Variants in CUL2 observed in about 807,000 individuals in gnomAD.
CUL2 encodes the protein cullin 2.
In CUL2, 22 loss-of-function variants were observed where a neutral mutation model predicts 110.2. The ratio of observed to expected loss-of-function variants is 0.20; its 90% CI spans 0.14 to 0.28. The LOEUF (loss-of-function observed/expected upper bound fraction) is 0.28. CUL2 is among the 10% of genes least tolerant of loss of function. The pLI is 1.00. For missense variants in CUL2, 631 were observed against 905.5 expected, an observed-to-expected ratio of 0.70 and a Z score of 3.89; for synonymous variants, 279 against 293.2, an observed-to-expected ratio of 0.95 and a Z score of 0.49.
intron 8 of CUL2, among the ~76,000 whole-genome samples, chr10:35,042,392 T>C (rs1245416984): frequency 6.6e-6 from 1 of 152,198 alleles, no homozygotes; most frequent in Non-Finnish European, 1.5e-5. Context: ...GGTTTTCATC[T>C]GTGGTTCCTG....
intron 4 of CUL2, among the ~76,000 whole-genome samples, chr10:35,059,285 GAAGA>G (rs2086322832): frequency 6.6e-6 from 1 of 152,282 alleles, no homozygotes; most frequent in Non-Finnish European, 1.5e-5. Flanking sequence ...AATCTTTTGT[GAAGA>G]AAGAGTCAAC....
chr10:35,071,485 A>G (rs2086677016), intron 1 of CUL2, 146 bp from the exon 2 acceptor site: 1 of 623,066 alleles, frequency 1.6e-6, no homozygotes, highest in Non-Finnish European at 2.7e-6. Context: ...GCTCACTGCA[A>G]GCTCCGCCTC....
In CUL2 at chr10:35,059,473, A is replaced by G. The variant is rs144258009; in HGVS notation, c.317+1401T>C. Among the ~76,000 whole-genome samples, 106 of 152,284 alleles carry G rather than the reference A, an allele frequency of 7.0e-4. 1 individual carries two copies. Among genetic ancestry groups the G allele is most frequent in the African/African-American group, 2.0e-3 (85 of 41,566 alleles). On this transcript the variant is annotated intron_variant, in intron 4 of 20. Coordinates refer to ENST00000374749, the MANE Select transcript of CUL2 (RefSeq NM_003591.4). Reference sequence around the variant, plus strand: ...GATCAACAGCATTTTTTTTAGCAATAAAGTAATTTTAAATTAAGTTGTGCA... The same window carrying G: ...GATCAACAGCATTTTTTTTAGCAATGAAGTAATTTTAAATTAAGTTGTGCA...
chr10:35,108,378 G>A (rs1483731737), intron 1 of CUL2, among the ~76,000 whole-genome samples: 1 of 151,180 alleles, frequency 6.6e-6, no homozygotes, highest in Non-Finnish European at 1.5e-5. Context: ...GATCACCTGA[G>A]CCCAGGAGGT....
chr10:35,079,020 C>T (rs2086886233), intron 1 of CUL2, among the ~76,000 whole-genome samples: 1 of 152,152 alleles, frequency 6.6e-6, no homozygotes, highest in Admixed American at 6.6e-5. Flanking sequence ...CAATAAAGAG[C>T]CTTACAGCAG....
chr10:35,065,734 C>T (rs544320782), intron 2 of CUL2, among the ~76,000 whole-genome samples: 45 of 152,138 alleles, frequency 3.0e-4, no homozygotes, highest in Non-Finnish European at 5.6e-4. Context: ...TGGCACATGC[C>T]TGTAATGCCA....
intron 17 of CUL2, among the ~76,000 whole-genome samples, chr10:35,019,030 G>C (rs2085119636): frequency 6.6e-6 from 1 of 152,098 alleles, no homozygotes; most frequent in Non-Finnish European, 1.5e-5. Flanking sequence ...TTATCATTTG[G>C]AGTATACTAT....
intron 5 of CUL2, 47 bp from the exon 6 acceptor site, chr10:35,049,812 G>T: frequency 7.9e-7 from 1 of 1,262,024 alleles, no homozygotes; most frequent in Non-Finnish European, 1.1e-6. Flanking sequence ...CTTAGTATAT[G>T]TTTAACATTT....
At chr10:35,084,024 C>T (rs2087002106) in intron 1 of CUL2, among the ~76,000 whole-genome samples, 1 of 152,122 alleles carries the variant, frequency 6.6e-6, no homozygotes, top group African/African-American at 2.4e-5. Flanking sequence ...CACCTGTAAT[C>T]CCAGCACCTT....
chr10:35,064,029 T>C (rs548605042), intron 2 of CUL2: 11 of 152,278 alleles, frequency 7.2e-5, no homozygotes, highest in Admixed American at 7.2e-4. Flanking sequence ...TCCTGGTGGT[T>C]ATACTCCAGA....
At chr10:35,016,511 T>C (rs757219190) in intron 17 of CUL2, 117 bp from the exon 18 acceptor site, 7 of 782,088 alleles carry the variant, frequency 9.0e-6, no homozygotes, top group Non-Finnish European at 1.4e-5. Context: ...TAAATTGTTG[T>C]AAAGCCACTG....
At chr10:35,094,830 A>T (rs1564751301), upstream of CUL2, among the ~76,000 whole-genome samples, 1 of 152,136 alleles carries the variant, frequency 6.6e-6, no homozygotes, top group Admixed American at 6.6e-5. Flanking sequence ...CCAGAAAAAA[A>T]AATTCTTTCT....
intron 8 of CUL2, among the ~76,000 whole-genome samples, chr10:35,043,690 T>C (rs187775310): frequency 6.6e-6 from 1 of 152,200 alleles, no homozygotes; most frequent in African/African-American, 2.4e-5. Context: ...TTAATTTGTA[T>C]GAACACTTTT....
intron 9 of CUL2, among the ~76,000 whole-genome samples, 200 bp from the exon 10 acceptor site, chr10:35,035,496 T>C (rs368360947): frequency 2.8e-4 from 43 of 152,332 alleles, no homozygotes; most frequent in African/African-American, 1.0e-3. Context: ...TTCCCAAAGA[T>C]ATTTTGTGCA....
At chr10:35,071,126 A>G in intron 2 of CUL2, 73 bp downstream of exon 2, 1 of 1,447,906 alleles carries the variant, frequency 6.9e-7, no homozygotes, top group South Asian at 1.2e-5. Context: ...CTTCCATAAC[A>G]TTGAACATGT....
intron 17 of CUL2, among the ~76,000 whole-genome samples, chr10:35,019,773 T>G (rs956044283): frequency 6.6e-5 from 10 of 152,180 alleles, no homozygotes; most frequent in Admixed American, 2.6e-4. Context: ...TCAGGGCAAG[T>G]TGAAGGCATG....
At chr10:35,044,145 T>A (rs11591577) in intron 8 of CUL2, among the ~76,000 whole-genome samples, 231 of 151,714 alleles carry the variant, frequency 1.5e-3, no homozygotes, top group Middle Eastern at 3.5e-3. Context: ...CATCCAAATG[T>A]CTAGAATTAC....
intron 4 of CUL2, among the ~76,000 whole-genome samples, chr10:35,059,879 A>G (rs967344588): frequency 6.6e-6 from 1 of 152,112 alleles, no homozygotes; most frequent in South Asian, 2.1e-4. Context: ...ATACTAACTA[A>G]CTCATATCAT....
chr10:35,010,542 T>G, intron 20 of CUL2, 100 bp from the exon 21 acceptor site: 1 of 1,186,400 alleles, frequency 8.4e-7, no homozygotes, highest in South Asian at 2.1e-5. Flanking sequence ...GTACTGAGGT[T>G]TCAACAAATG....
Sources: allele counts gnomAD v4.1 joint callset (sites outside exome capture counted in the v4.1 genomes callset), GRCh38; gene constraint gnomAD v4.1.1; transcripts MANE v1.5; gene names NCBI Gene and HGNC (gene_info 2026-07-23, HGNC 2026-07-21).